Variants in EXOC4 observed in about 807,000 individuals in gnomAD.
The protein encoded by EXOC4 is exocyst complex component 4, also known as SEC8-like 1.
Under a neutral mutation model 107.2 loss-of-function variants are expected in EXOC4, and 71 were observed. The observed-to-expected ratio is 0.66, with a 90% CI of 0.55 to 0.81. EXOC4 has a LOEUF of 0.81. Ranked by LOEUF, EXOC4 falls within the 30% of genes least tolerant of loss-of-function variation. The pLI is 0.00. For synonymous variants in EXOC4, 456 were observed against 441.2 expected (o/e 1.03, Z -0.42); for missense variants, 1,108 against 1,189.6 (o/e 0.93, Z 1.01).
At chr7:133,630,368 C>T (rs931785197) in intron 10 of EXOC4, among the ~76,000 whole-genome samples, 1 of 151,898 alleles carries the variant, frequency 6.6e-6, no homozygotes, top group East Asian at 1.9e-4. Context: ...TTCTTTTTTT[C>T]ACACTCGCTA....
At chr7:133,492,104 T>A (rs1217964767) in intron 9 of EXOC4, among the ~76,000 whole-genome samples, 1 of 152,176 alleles carries the variant, frequency 6.6e-6, no homozygotes, top group Non-Finnish European at 1.5e-5. Flanking sequence ...TAATGAAATG[T>A]GCATTTTAGA....
intron 9 of EXOC4, among the ~76,000 whole-genome samples, chr7:133,606,268 G>A (rs981346117): frequency 3.3e-5 from 5 of 151,886 alleles, no homozygotes; most frequent in Non-Finnish European, 5.9e-5. Flanking sequence ...AGCTACCACA[G>A]AGAGTCCAGG....
At chr7:133,701,359 G>A (rs1276560123) in intron 10 of EXOC4, among the ~76,000 whole-genome samples, 1 of 152,140 alleles carries the variant, frequency 6.6e-6, no homozygotes, top group Non-Finnish European at 1.5e-5. Flanking sequence ...GATTAAACAA[G>A]ATCAACAGGC....
intron 7 of EXOC4, among the ~76,000 whole-genome samples, chr7:133,445,568 A>C (rs984685018): frequency 6.6e-6 from 1 of 152,154 alleles, no homozygotes; most frequent in African/African-American, 2.4e-5. Flanking sequence ...ATAAAATAAA[A>C]CAAAAAGCCC....
chr7:133,919,777 C>T (rs1254628756), intron 13 of EXOC4, among the ~76,000 whole-genome samples: 1 of 152,126 alleles, frequency 6.6e-6, no homozygotes, highest in Admixed American at 6.5e-5. Context: ...CCACTCTATT[C>T]ACTCATCTAT....
At chr7:133,536,681 A>G (rs1800276289) in intron 9 of EXOC4, among the ~76,000 whole-genome samples, 1 of 151,956 alleles carries the variant, frequency 6.6e-6, no homozygotes. Flanking sequence ...GTAACAAGAC[A>G]GAATTTTATT....
At chr7:133,699,372 G>A (rs952395059) in intron 10 of EXOC4, among the ~76,000 whole-genome samples, 3 of 151,956 alleles carry the variant, frequency 2.0e-5, no homozygotes, top group Admixed American at 1.3e-4. Flanking sequence ...AGACCAACTC[G>A]CCAAAGAGTT....
chr7:133,550,511 T>A (rs995271849), intron 9 of EXOC4, among the ~76,000 whole-genome samples: 5 of 152,124 alleles, frequency 3.3e-5, no homozygotes, highest in African/African-American at 1.2e-4. Flanking sequence ...TCAGAGCAAA[T>A]CTAGCATTTA....
At chr7:133,838,998 G>T (rs1474252123) in intron 11 of EXOC4, among the ~76,000 whole-genome samples, 1 of 152,170 alleles carries the variant, frequency 6.6e-6, no homozygotes, top group Non-Finnish European at 1.5e-5. Flanking sequence ...GTCTACATGG[G>T]ATTGTTTTAT....
intron 3 of EXOC4, among the ~76,000 whole-genome samples, chr7:133,291,872 C>A (rs1794414241): frequency 2.0e-5 from 3 of 152,234 alleles, no homozygotes; most frequent in African/African-American, 7.2e-5. Flanking sequence ...TCTACTGATT[C>A]ATGATGCTAT....
chr7:133,439,916 A>G (rs1202523835), intron 7 of EXOC4, among the ~76,000 whole-genome samples: 2 of 152,206 alleles, frequency 1.3e-5, no homozygotes, highest in African/African-American at 2.4e-5. Context: ...TCTTCCATCT[A>G]TCACTCAGCT....
Position 134,000,349 on chromosome 7 carries a change from G to A in EXOC4, c.2348+2716G>A, listed in dbSNP as rs539840880. On this transcript the variant is annotated intron_variant, in intron 15 of 17. Transcript: ENST00000253861. ...ACTCTAGTATAATAACGCTAGAATA[G>A]AGGTGTCTGCTAAGTGCTCTGGGGG... is the stretch of plus-strand genomic sequence containing the variant. Among the ~76,000 whole-genome samples the A allele has an allele frequency of 3.9e-5, 6 of 152,252 alleles. No individual in the cohort carries two copies. In the South Asian group the frequency reaches 1.2e-3, roughly 32 times the overall value.
intron 5 of EXOC4, among the ~76,000 whole-genome samples, chr7:133,343,955 G>A (rs988358074): frequency 6.6e-5 from 10 of 151,770 alleles, no homozygotes; most frequent in African/African-American, 2.2e-4. Flanking sequence ...CACTACAGAC[G>A]TGAGCAACCA....
At chr7:133,333,445 T>A (rs987174752) in intron 5 of EXOC4, among the ~76,000 whole-genome samples, 1 of 152,128 alleles carries the variant, frequency 6.6e-6, no homozygotes, top group Non-Finnish European at 1.5e-5. Context: ...GTTTTTTTTT[T>A]ATTGGAGAGT....
At chr7:134,089,208 A>G in the EXOC4 span, among the ~76,000 whole-genome samples, 2 of 152,188 alleles carry the variant, frequency 1.3e-5, no homozygotes, top group African/African-American at 4.8e-5. Context: ...ATTTTTCACA[A>G]ACCTTCCACA....
intron 11 of EXOC4, among the ~76,000 whole-genome samples, chr7:133,871,402 C>G (rs1798749326): frequency 6.6e-6 from 1 of 152,134 alleles, no homozygotes; most frequent in Non-Finnish European, 1.5e-5. Context: ...TAGTCATGCT[C>G]TTCTTCTGTT....
intron 2 of EXOC4, among the ~76,000 whole-genome samples, chr7:133,286,527 A>C (rs1048789576): frequency 2.6e-5 from 4 of 152,178 alleles, no homozygotes; most frequent in Non-Finnish European, 4.4e-5. Context: ...ATTTGTGTGT[A>C]AGAGGCAGGC....
In EXOC4 at chr7:133,344,422, G is replaced by A. The variant is rs887799583; in HGVS notation, c.764-11908G>A. On this transcript the variant is annotated intron_variant, in intron 5 of 17. Coordinates refer to ENST00000253861, the MANE Select transcript of EXOC4 (RefSeq NM_021807.4). The stretch of plus-strand genomic sequence containing the variant: ...TTTTTTTGTTTGTTTTTATGATATT[G>A]GGGTGTTTTATAGGATTTTTAGCTC... Among the ~76,000 whole-genome samples, 124 of 152,086 alleles carry A rather than the reference G, an allele frequency of 8.2e-4. 1 individual carries two copies. The highest frequency in any genetic ancestry group is 9.6e-4 in the Non-Finnish European group (65 of 67,960).
At chr7:133,967,982 C>G (rs1394075835) in intron 14 of EXOC4, among the ~76,000 whole-genome samples, 4 of 152,172 alleles carry the variant, frequency 2.6e-5, no homozygotes, top group Non-Finnish European at 5.9e-5. Context: ...TTGTAGGTCT[C>G]TAAGAACTTG....
Sources: gnomAD v4.1 joint callset for allele counts (sites outside exome capture counted in the v4.1 genomes callset) on GRCh38, gnomAD v4.1.1 for gene constraint, MANE v1.5 for transcripts, NCBI Gene and HGNC (gene_info 2026-07-23, HGNC 2026-07-21) for gene names.